The following CATSPERT variants were observed in gnomAD, a reference collection of about 807,000 sequenced individuals.
CATSPERT encodes the protein cation channel sperm-associated targeting subunit tau.
At chr2:201,583,431 G>A in the CATSPERT span, among the ~76,000 whole-genome samples, 4 of 151,996 alleles carry the variant, frequency 2.6e-5, no homozygotes, top group South Asian at 2.1e-4. Context: ...AACAAAAACC[G>A]GTTCAGTGAA....
chr2:201,540,898 A>G, the CATSPERT span, among the ~76,000 whole-genome samples: 1 of 152,206 alleles, frequency 6.6e-6, no homozygotes, highest in African/African-American at 2.4e-5. Context: ...ACCATTCTAG[A>G]TGCCATTAAG....
At chr2:201,570,864 C>T in the CATSPERT span, among the ~76,000 whole-genome samples, 2 of 152,182 alleles carry the variant, frequency 1.3e-5, no homozygotes, top group African/African-American at 4.8e-5. Flanking sequence ...GCACTACTAC[C>T]ACTTTTACAA....
the CATSPERT span, among the ~76,000 whole-genome samples, chr2:201,579,573 C>G: frequency 2.6e-5 from 4 of 152,084 alleles, no homozygotes; most frequent in Non-Finnish European, 5.9e-5. Flanking sequence ...TGTGAACCAC[C>G]AAGCCTGGCT....
the CATSPERT span, among the ~76,000 whole-genome samples, chr2:201,540,671 C>T: frequency 1.3e-5 from 2 of 152,174 alleles, no homozygotes; most frequent in Non-Finnish European, 2.9e-5. Context: ...GACAATGCAC[C>T]TGGTCATCCA....
chr2:201,581,546 GTGTATATATATATATA>G, the CATSPERT span, among the ~76,000 whole-genome samples: 28 of 14,726 alleles, frequency 1.9e-3, no homozygotes, highest in African/African-American at 6.7e-3. Flanking sequence ...AAAAAAATGT[GTGTATATATATATATA>G]TATATATATA....
chr2:201,513,141 T>C, the CATSPERT span, among the ~76,000 whole-genome samples: 1 of 144,858 alleles, frequency 6.9e-6, no homozygotes, highest in Non-Finnish European at 1.5e-5. Context: ...ATCAACAGAG[T>C]AAACAGACAA....
At chr2:201,578,048 T>C in the CATSPERT span, among the ~76,000 whole-genome samples, 1 of 152,104 alleles carries the variant, frequency 6.6e-6, no homozygotes, top group Non-Finnish European at 1.5e-5. Context: ...AACAGAGGAA[T>C]ACACCCATAT....
chr2:201,595,291 C>T, the CATSPERT span, among the ~76,000 whole-genome samples: 1 of 151,554 alleles, frequency 6.6e-6, no homozygotes, highest in Non-Finnish European at 1.5e-5. Context: ...CGGGTTCACG[C>T]CATTCTCCTG....
chr2:201,561,770 A>C, the CATSPERT span, among the ~76,000 whole-genome samples: 1 of 152,006 alleles, frequency 6.6e-6, no homozygotes, highest in South Asian at 2.1e-4. Flanking sequence ...GCTACTCGGG[A>C]GGCTGAGGCA....
At chr2:201,492,369 G>A in the CATSPERT span, 13 of 1,534,878 alleles carry the variant, frequency 8.5e-6, no homozygotes, top group South Asian at 1.2e-5. Flanking sequence ...GACTCTGGAG[G>A]TGTTTGCTTA....
At chr2:201,601,325 TAAAG>T in the CATSPERT span, among the ~76,000 whole-genome samples, 1 of 137,434 alleles carries the variant, frequency 7.3e-6, no homozygotes, top group South Asian at 2.3e-4. Flanking sequence ...TGGGTTGTAA[TAAAG>T]ACTGACTAAG....
the CATSPERT span, among the ~76,000 whole-genome samples, chr2:201,598,046 C>CT: frequency 6.6e-6 from 1 of 152,008 alleles, no homozygotes; most frequent in South Asian, 2.1e-4. Context: ...AAAGAAACAA[C>CT]TTTTTTCTTA....
the CATSPERT span, chr2:201,492,759 T>C: frequency 2.0e-6 from 3 of 1,535,514 alleles, no homozygotes; most frequent in South Asian, 3.6e-5. Context: ...GAAAACTGTT[T>C]GGCCCTTTCT....
the CATSPERT span, among the ~76,000 whole-genome samples, chr2:201,514,845 C>T: frequency 6.6e-6 from 1 of 152,170 alleles, no homozygotes; most frequent in Non-Finnish European, 1.5e-5. Flanking sequence ...GAACCTGGTC[C>T]AGATATTTAG....
At chr2:201,601,063 T>C in the CATSPERT span, among the ~76,000 whole-genome samples, 1 of 151,820 alleles carries the variant, frequency 6.6e-6, no homozygotes, top group Admixed American at 6.6e-5. Context: ...TTTTAAAAAG[T>C]TTTAAGATAC....
At chr2:201,558,471 G>A in the CATSPERT span, among the ~76,000 whole-genome samples, 1 of 152,234 alleles carries the variant, frequency 6.6e-6, no homozygotes, top group Admixed American at 6.5e-5. Flanking sequence ...GTCCAGGAGG[G>A]CAGTGTGAAG....
the CATSPERT span, among the ~76,000 whole-genome samples, chr2:201,513,060 A>G: frequency 1.5e-3 from 226 of 151,768 alleles, 2 homozygotes; most frequent in African/African-American, 5.3e-3. Flanking sequence ...GTGCACATGT[A>G]CCCTAAAACT....
the CATSPERT span, among the ~76,000 whole-genome samples, chr2:201,500,720 G>A: frequency 2.0e-5 from 3 of 152,046 alleles, no homozygotes; most frequent in African/African-American, 7.2e-5. Context: ...GGCCCCTGAT[G>A]ACGTCATGAA....
the CATSPERT span, among the ~76,000 whole-genome samples, chr2:201,600,585 T>TA: frequency 4.6e-5 from 7 of 151,432 alleles, no homozygotes; most frequent in South Asian, 1.0e-3. Context: ...TAAAGTATAA[T>TA]AAAAAAAATA....
Sources: allele counts gnomAD v4.1 joint callset (sites outside exome capture counted in the v4.1 genomes callset), GRCh38; gene constraint gnomAD v4.1.1; transcripts MANE v1.5; gene names NCBI Gene and HGNC (gene_info 2026-07-23, HGNC 2026-07-21).